The following PRTG variants were observed in gnomAD, a reference collection of about 807,000 sequenced individuals.
PRTG encodes protogenin.
Under a neutral mutation model 122.5 loss-of-function variants are expected in PRTG, and 67 were observed. That is an observed-to-expected ratio of 0.55 (90% CI 0.45 to 0.67). The LOEUF (loss-of-function observed/expected upper bound fraction) is 0.67. Among genes scored for constraint, PRTG ranks in the 30% least tolerant of loss-of-function variants. PRTG has a pLI of 0.00. For missense variants in PRTG, 1,435 were observed against 1,415.4 expected (o/e 1.01, Z -0.22); for synonymous variants, 554 against 501.1 (o/e 1.11, Z -1.41).
chr15:55,690,343 G>A lies in PRTG; in HGVS notation c.398-6412C>T, dbSNP rs149376183. On this transcript the variant is annotated intron_variant, in intron 2 of 19. Transcript: ENST00000389286. The stretch of plus-strand genomic sequence containing the variant: ...ATATGCTAGGCGCCAAGGATCTAAT[G>A]AGGAACAAAACTAACAGAGGTTTTA... Among the ~76,000 whole-genome samples the A allele has an allele frequency of 1.0e-3, 154 of 152,210 alleles. 1 individual carries two copies. Among genetic ancestry groups the A allele is most frequent in the Middle Eastern group, 3.4e-3 (1 of 294 alleles).
intron 2 of PRTG, among the ~76,000 whole-genome samples, chr15:55,689,806 T>C (rs1299865144): frequency 1.3e-5 from 2 of 151,802 alleles, no homozygotes; most frequent in African/African-American, 4.8e-5. Context: ...CGTGCACCTG[T>C]AGTCCCAGCT....
At chr15:55,629,156 A>C in intron 15 of PRTG, 152 bp from the exon 16 acceptor site, 1 of 529,998 alleles carries the variant, frequency 1.9e-6, no homozygotes, top group Non-Finnish European at 3.2e-6. Flanking sequence ...AATATAAATA[A>C]AATTACAATC....
intron 7 of PRTG, among the ~76,000 whole-genome samples, chr15:55,678,257 A>G (rs1161874070): frequency 1.3e-5 from 2 of 152,130 alleles, no homozygotes; most frequent in African/African-American, 4.8e-5. Context: ...TTGTTGTTTT[A>G]AAGAGACGGG....
At chr15:55,742,519 A>C in intron 1 of PRTG, 48 of 245,680 alleles carry the variant, frequency 2.0e-4, no homozygotes, top group Non-Finnish European at 2.3e-4. Flanking sequence ...CGGAGCCGGG[A>C]CAATGGCGCG....
At chr15:55,729,598 A>AT (rs1567117889) in intron 2 of PRTG, among the ~76,000 whole-genome samples, 1 of 151,632 alleles carries the variant, frequency 6.6e-6, no homozygotes, top group African/African-American at 2.4e-5. Flanking sequence ...AAAAAAAATA[A>AT]AATAAAATAA....
At chr15:55,699,931 A>G (rs1005029623) in intron 2 of PRTG, among the ~76,000 whole-genome samples, 1 of 152,200 alleles carries the variant, frequency 6.6e-6, no homozygotes. Flanking sequence ...CAGGCATAAT[A>G]AAAAGCTACT....
At chr15:55,666,571 G>A (rs149121446) in intron 11 of PRTG, among the ~76,000 whole-genome samples, 2 of 152,294 alleles carry the variant, frequency 1.3e-5, no homozygotes, top group Admixed American at 6.5e-5. Context: ...TAGAATCTGT[G>A]TTTTAACAAG....
Position 55,742,719 on chromosome 15 carries a change from G to A in PRTG, c.94+119C>T, listed in dbSNP as rs553039141. On this transcript the variant is annotated intron_variant, in intron 1 of 19. Transcript: ENST00000389286. ...GCGAGAGCGGGGGCCGGGGGTCAGC[G>A]CCACCACGGAGGACCCCGCCGCGCG... The A allele has an allele frequency of 5.6e-5, 70 of 1,241,966 alleles. No individual in the cohort carries two copies. In the Admixed American group the frequency reaches 7.1e-4, roughly 13 times the overall value. 76.9% of individuals were successfully genotyped at this position (1,241,966 alleles called of 1,614,324 possible). A position where few individuals can be genotyped will look rare whatever the true frequency, so the allele number is the denominator to read the frequency against.
At chr15:55,709,294 C>CCATA (rs1462789117) in intron 2 of PRTG, among the ~76,000 whole-genome samples, 1 of 145,332 alleles carries the variant, frequency 6.9e-6, no homozygotes, top group Non-Finnish European at 1.5e-5. Flanking sequence ...TTTGGGAGAC[C>CCATA]CATAACAAAA....
intron 15 of PRTG, among the ~76,000 whole-genome samples, chr15:55,633,197 G>C (rs2059237278): frequency 6.6e-6 from 1 of 152,080 alleles, no homozygotes; most frequent in South Asian, 2.1e-4. Flanking sequence ...GAATTGAGCA[G>C]TTTGTGCTGA....
rs139284418 is a variant in PRTG at position 55,632,493 on chromosome 15, C to G, written c.2624-3489G>C. On this transcript the variant is annotated intron_variant, in intron 15 of 19. Transcript: ENST00000389286. ...AAAGGTCTCCAATACCTTCCTCTCT[C>G]TTAGAATAAAATCTATGGCTCATGA... Among the ~76,000 whole-genome samples the G allele has an allele frequency of 2.1e-3, 315 of 152,286 alleles. 7 individuals carry two copies. Among genetic ancestry groups the G allele is most frequent in the African/African-American group, 7.2e-3 (301 of 41,568 alleles).
intron 2 of PRTG, among the ~76,000 whole-genome samples, chr15:55,701,034 T>C (rs1368496194): frequency 6.6e-6 from 1 of 152,134 alleles, no homozygotes; most frequent in African/African-American, 2.4e-5. Flanking sequence ...TCCTACCTCA[T>C]ACTTATAGAG....
chr15:55,707,185 A>G (rs1227581899), intron 2 of PRTG, among the ~76,000 whole-genome samples: 2 of 152,230 alleles, frequency 1.3e-5, no homozygotes, highest in Non-Finnish European at 2.9e-5. Flanking sequence ...TTGCTATTGA[A>G]TTCTTATGAT....
intron 2 of PRTG, among the ~76,000 whole-genome samples, chr15:55,701,307 C>T (rs1404748856): frequency 1.3e-5 from 2 of 152,086 alleles, no homozygotes; most frequent in African/African-American, 4.8e-5. Flanking sequence ...GAGGCCGAAG[C>T]GGGTGGATCA....
chr15:55,625,583 C>T (rs369002573), intron 17 of PRTG, among the ~76,000 whole-genome samples: 19 of 151,848 alleles, frequency 1.3e-4, no homozygotes, highest in African/African-American at 4.1e-4. Flanking sequence ...TCCTAAGCAG[C>T]TACGACTACA....
intron 2 of PRTG, among the ~76,000 whole-genome samples, chr15:55,717,434 A>T (rs977761285): frequency 6.6e-6 from 1 of 152,198 alleles, no homozygotes; most frequent in Non-Finnish European, 1.5e-5. Flanking sequence ...ATTCTACGCA[A>T]GAGAAAAAAA....
At chr15:55,709,376 AATAT>A (rs201464211) in intron 2 of PRTG, among the ~76,000 whole-genome samples, 1 of 146,394 alleles carries the variant, frequency 6.8e-6, no homozygotes, top group African/African-American at 2.5e-5. Flanking sequence ...TAAAATATAC[AATAT>A]ATATATATAG....
At chr15:55,724,398 A>C (rs1482021260) in intron 2 of PRTG, among the ~76,000 whole-genome samples, 3 of 152,106 alleles carry the variant, frequency 2.0e-5, no homozygotes, top group Admixed American at 2.0e-4. Flanking sequence ...TTTTTTGATT[A>C]ACAGCCAATT....
intron 2 of PRTG, among the ~76,000 whole-genome samples, chr15:55,704,213 T>A (rs2029996181): frequency 6.6e-6 from 1 of 152,238 alleles, no homozygotes; most frequent in Non-Finnish European, 1.5e-5. Flanking sequence ...CATAAAGAAT[T>A]AGTTCTGCTT....
Sources: gnomAD v4.1 joint callset for allele counts (sites outside exome capture counted in the v4.1 genomes callset) on GRCh38, gnomAD v4.1.1 for gene constraint, MANE v1.5 for transcripts, NCBI Gene and HGNC (gene_info 2026-07-23, HGNC 2026-07-21) for gene names.